Variants in MEGF11 observed in about 807,000 individuals in gnomAD.
MEGF11 encodes the protein multiple epidermal growth factor-like domains protein 11.
A neutral mutation model predicts 146.6 loss-of-function variants in MEGF11; 126 were observed. The ratio of observed to expected loss-of-function variants is 0.86; its 90% CI spans 0.74 to 1.00. MEGF11 has a LOEUF of 1.00. Ranked by LOEUF, MEGF11 falls within the 50% of genes least tolerant of loss-of-function variation. The pLI, the probability that MEGF11 is intolerant of heterozygous loss-of-function variation, is 0.00. For missense variants in MEGF11, 1,509 were observed against 1,521.2 expected (o/e 0.99, Z 0.13); for synonymous variants, 532 against 583.4 (o/e 0.91, Z 1.27).
At chr15:66,183,507 A>G (rs1398081459) in intron 1 of MEGF11, among the ~76,000 whole-genome samples, 1 of 149,696 alleles carries the variant, frequency 6.7e-6, no homozygotes, top group East Asian at 2.0e-4. Context: ...CCTGCCACCA[A>G]CACCCCGTGC....
At chr15:66,008,492 G>T (rs1370202072) in intron 5 of MEGF11, among the ~76,000 whole-genome samples, 1 of 151,900 alleles carries the variant, frequency 6.6e-6, no homozygotes, top group African/African-American at 2.4e-5. Context: ...TAAAGATGAG[G>T]ATGCTTCTGC....
At chr15:65,971,113 C>G (rs896820798) in intron 7 of MEGF11, 1 of 167,040 alleles carries the variant, frequency 6.0e-6, no homozygotes, top group African/African-American at 2.4e-5. Flanking sequence ...TGCTCAGCTT[C>G]TTTCTCAAAC....
At chr15:65,961,675 T>G (rs1457245875) in intron 9 of MEGF11, among the ~76,000 whole-genome samples, 1 of 152,216 alleles carries the variant, frequency 6.6e-6, no homozygotes, top group Non-Finnish European at 1.5e-5. Context: ...TCAATCTCTG[T>G]GCAGCAGCCT....
intron 5 of MEGF11, among the ~76,000 whole-genome samples, chr15:66,033,767 G>C (rs1189439546): frequency 2.1e-5 from 3 of 143,338 alleles, no homozygotes; most frequent in African/African-American, 7.4e-5. Context: ...TTCCCTGTTG[G>C]TTTTGGATTT....
intron 3 of MEGF11, 36 bp downstream of exon 3, chr15:66,123,863 C>T: frequency 6.4e-7 from 1 of 1,571,808 alleles, no homozygotes. Context: ...AGCCCAGTGC[C>T]TTTTCCCTGC....
chr15:65,959,992 A>G (rs751161176), intron 9 of MEGF11, among the ~76,000 whole-genome samples: 1 of 152,262 alleles, frequency 6.6e-6, no homozygotes, highest in African/African-American at 2.4e-5. Context: ...AGGAATGCTA[A>G]GAGATGTATT....
intron 3 of MEGF11, among the ~76,000 whole-genome samples, chr15:66,119,632 G>C (rs1310780336): frequency 6.6e-6 from 1 of 151,860 alleles, no homozygotes; most frequent in Non-Finnish European, 1.5e-5. Context: ...CTGAGTATTG[G>C]TCCCCCCACT....
rs536570347 is a variant in MEGF11, at chr15:65,903,412, C to T, written c.3055+2673G>A. On this transcript the variant is annotated intron_variant, in intron 24 of 25. Transcript: ENST00000395614. Reference sequence around the variant, plus strand: ...AGTGTAAGTGGTCTCCCTTAACCTCCGGGATGACAGTGAGTGGAGTTCTTC... The same window carrying T: ...AGTGTAAGTGGTCTCCCTTAACCTCTGGGATGACAGTGAGTGGAGTTCTTC... 5.3e-5 allele frequency among the ~76,000 whole-genome samples: 8 copies of T among 152,280 alleles called. No homozygotes were observed. In the South Asian group the frequency reaches 8.3e-4, roughly 16 times the overall value.
At chr15:66,006,480 C>A (rs373711444) in intron 5 of MEGF11, among the ~76,000 whole-genome samples, 4 of 152,256 alleles carry the variant, frequency 2.6e-5, no homozygotes, top group African/African-American at 9.6e-5. Context: ...TTTCTCCTTC[C>A]CCCATTCTCC....
intron 4 of MEGF11, among the ~76,000 whole-genome samples, chr15:66,115,790 C>T (rs988636531): frequency 2.0e-5 from 3 of 152,164 alleles, no homozygotes; most frequent in South Asian, 2.1e-4. Flanking sequence ...TGTGAAGCCA[C>T]GGGAAGAACA....
At chr15:66,142,211 G>T (rs1369845491) in intron 1 of MEGF11, among the ~76,000 whole-genome samples, 1 of 152,154 alleles carries the variant, frequency 6.6e-6, no homozygotes, top group Non-Finnish European at 1.5e-5. Flanking sequence ...AAAAGTGAGA[G>T]CACTCCTAGA....
At chr15:66,221,959 A>G (rs2091749368) in intron 1 of MEGF11, among the ~76,000 whole-genome samples, 1 of 152,192 alleles carries the variant, frequency 6.6e-6, no homozygotes, top group Non-Finnish European at 1.5e-5. Flanking sequence ...TGTGCTTGTT[A>G]AAAAGTGGAT....
chr15:65,941,824 C>G (rs984721350), intron 10 of MEGF11, among the ~76,000 whole-genome samples: 6 of 152,214 alleles, frequency 3.9e-5, no homozygotes, highest in African/African-American at 4.8e-5. Context: ...GAGTGGGGAG[C>G]AGGACCCTGG....
At chr15:66,147,900 T>C (rs906507080) in intron 1 of MEGF11, among the ~76,000 whole-genome samples, 3 of 152,212 alleles carry the variant, frequency 2.0e-5, no homozygotes, top group Non-Finnish European at 4.4e-5. Flanking sequence ...AAAAAGTGAA[T>C]GCTCATTAAT....
chr15:66,063,231 TATC>T (rs1158353484), intron 5 of MEGF11, among the ~76,000 whole-genome samples: 2 of 152,218 alleles, frequency 1.3e-5, no homozygotes, highest in Admixed American at 1.3e-4. Flanking sequence ...AAGCTTTAAA[TATC>T]ATTTCTAAGT....
intron 7 of MEGF11, among the ~76,000 whole-genome samples, chr15:65,973,910 C>G (rs2081371392): frequency 6.6e-6 from 1 of 152,120 alleles, no homozygotes. Context: ...AGGGGACTCC[C>G]CTGCCCCCCA....
chr15:66,211,275 G>A (rs978710669), intron 1 of MEGF11, among the ~76,000 whole-genome samples: 7 of 152,186 alleles, frequency 4.6e-5, no homozygotes, highest in Non-Finnish European at 1.0e-4. Flanking sequence ...TGTAATCTCA[G>A]CACTTTGGGA....
intron 1 of MEGF11, among the ~76,000 whole-genome samples, chr15:66,209,416 A>T (rs2091388121): frequency 6.6e-6 from 1 of 152,178 alleles, no homozygotes; most frequent in African/African-American, 2.4e-5. Flanking sequence ...CTCAGCATTC[A>T]TCCCAGAGAA....
chr15:66,052,587 T>C (rs1338083080), intron 5 of MEGF11, among the ~76,000 whole-genome samples: 1 of 152,202 alleles, frequency 6.6e-6, no homozygotes, highest in Non-Finnish European at 1.5e-5. Context: ...GATCAAATCA[T>C]GCCTCCTTCT....
Sources: allele counts gnomAD v4.1 joint callset (sites outside exome capture counted in the v4.1 genomes callset), GRCh38; gene constraint gnomAD v4.1.1; transcripts MANE v1.5; gene names NCBI Gene and HGNC (gene_info 2026-07-23, HGNC 2026-07-21).